PCDH15: variants seen among roughly 807,000 people sequenced by gnomAD.
PCDH15 encodes protocadherin related 15.
A neutral mutation model predicts 178.5 loss-of-function variants in PCDH15; 129 were observed. The observed-to-expected ratio is 0.72, with a 90% CI of 0.63 to 0.84. The LOEUF (loss-of-function observed/expected upper bound fraction) is 0.84, where lower values mean the gene tolerates loss of function less well. Among genes scored for constraint, PCDH15 ranks in the 40% least tolerant of loss-of-function variants. The probability of loss-of-function intolerance (pLI) is 0.00; values close to 1 mark genes in which losing one functional copy is unlikely to be tolerated. For missense variants in PCDH15, 2,230 were observed against 2,099.9 expected (o/e 1.06, Z -1.21); for synonymous variants, 800 against 732.0 (o/e 1.09, Z -1.50).
intron 1 of PCDH15, among the ~76,000 whole-genome samples, chr10:54,723,797 A>G (rs530402342): frequency 6.6e-6 from 1 of 151,846 alleles, no homozygotes; most frequent in South Asian, 2.1e-4. Flanking sequence ...ATTGCTAAAC[A>G]TCAGTAATCA....
At chr10:54,728,387 T>C (rs1030190263) in intron 1 of PCDH15, among the ~76,000 whole-genome samples, 1 of 151,366 alleles carries the variant, frequency 6.6e-6, no homozygotes, top group African/African-American at 2.4e-5. Flanking sequence ...AAATTCAGTG[T>C]CCCTTTATGG....
chr10:54,433,336 C>T lies in PCDH15; in HGVS notation c.158-54394G>A, dbSNP rs142250897. Among the ~76,000 whole-genome samples, 740 of 152,092 alleles carry T rather than the reference C, an allele frequency of 4.9e-3. 8 individuals are homozygous for T. The highest frequency in any genetic ancestry group is 0.017 in the African/African-American group (688 of 41,416). On this transcript the variant is annotated intron_variant, in intron 3 of 37. Coordinates refer to ENST00000644397, the MANE Select transcript of PCDH15 (RefSeq NM_001384140.1). ...CAAAGTGTCCATCAATAGGTAACTACATTTAAAAAATGTGGTTCTTATATA... is the reference window on the plus strand; with the variant it reads ...CAAAGTGTCCATCAATAGGTAACTATATTTAAAAAATGTGGTTCTTATATA...
intron 2 of PCDH15, among the ~76,000 whole-genome samples, chr10:54,574,935 T>C (rs1199228966): frequency 6.7e-6 from 1 of 148,856 alleles, no homozygotes; most frequent in African/African-American, 2.5e-5. Context: ...ATTAAGAAAC[T>C]GTGGCACATA....
At chr10:54,698,679 G>A (rs2095267122) in intron 1 of PCDH15, among the ~76,000 whole-genome samples, 1 of 152,058 alleles carries the variant, frequency 6.6e-6, no homozygotes, top group African/African-American at 2.4e-5. Context: ...CTTGTAAAAT[G>A]AAGATAATAA....
At chr10:54,162,530 C>T (rs2045821523) in intron 13 of PCDH15, among the ~76,000 whole-genome samples, 2 of 152,120 alleles carry the variant, frequency 1.3e-5, no homozygotes, top group Admixed American at 6.5e-5. Flanking sequence ...AGATAAGATA[C>T]CTTCATATTT....
At chr10:54,236,783 C>T in intron 9 of PCDH15, 40 bp downstream of exon 9, 1 of 1,468,200 alleles carries the variant, frequency 6.8e-7, no homozygotes, top group Non-Finnish European at 9.5e-7. Flanking sequence ...CTGTAAGATT[C>T]TAGAATAACT....
At chr10:55,483,805 G>A (rs1218508599) in intron 2 of PCDH15, among the ~76,000 whole-genome samples, 2 of 130,154 alleles carry the variant, frequency 1.5e-5, no homozygotes, top group Non-Finnish European at 3.2e-5. Context: ...GAAAGAGTGA[G>A]ACTCCATCTC....
At chr10:54,529,789 ATTTC>A (rs1413884603) in intron 2 of PCDH15, among the ~76,000 whole-genome samples, 9 of 152,022 alleles carry the variant, frequency 5.9e-5, no homozygotes, top group African/African-American at 1.4e-4. Flanking sequence ...TGATTTCAAC[ATTTC>A]TTTATTTATT....
intron 8 of PCDH15, among the ~76,000 whole-genome samples, chr10:54,274,027 C>A (rs769507263): frequency 3.1e-4 from 47 of 151,904 alleles, no homozygotes; most frequent in Admixed American, 2.0e-3. Flanking sequence ...TAGCAAACTA[C>A]CACAGGAAAA....
chr10:54,062,973 T>C (rs1226781664), intron 18 of PCDH15, among the ~76,000 whole-genome samples: 1 of 152,204 alleles, frequency 6.6e-6, no homozygotes, highest in Non-Finnish European at 1.5e-5. Context: ...AATATATATA[T>C]GGCTAAGTGA....
intron 2 of PCDH15, among the ~76,000 whole-genome samples, chr10:55,106,910 G>T (rs1003536062): frequency 3.9e-5 from 6 of 152,158 alleles, no homozygotes; most frequent in African/African-American, 1.4e-4. Context: ...ATAATACAAT[G>T]ATGGAGAGGA....
intron 2 of PCDH15, among the ~76,000 whole-genome samples, chr10:55,363,125 A>C (rs756108152): frequency 6.6e-6 from 1 of 152,202 alleles, no homozygotes; most frequent in Non-Finnish European, 1.5e-5. Context: ...CATTTGAGAT[A>C]GACTTCGTTT....
intron 9 of PCDH15, among the ~76,000 whole-genome samples, chr10:54,216,037 C>T (rs567683733): frequency 4.1e-5 from 3 of 73,376 alleles, no homozygotes; most frequent in Non-Finnish European, 6.9e-5. Context: ...AGTGAGACTC[C>T]GTCTCAGAAA....
chr10:54,624,471 T>C (rs1282728973), intron 2 of PCDH15, among the ~76,000 whole-genome samples: 1 of 152,222 alleles, frequency 6.6e-6, no homozygotes, highest in African/African-American at 2.4e-5. Context: ...CAGATCTTAG[T>C]AAGATACTGC....
At chr10:54,088,878 C>T (rs1033739955) in intron 16 of PCDH15, among the ~76,000 whole-genome samples, 6 of 152,094 alleles carry the variant, frequency 3.9e-5, no homozygotes, top group Non-Finnish European at 8.8e-5. Flanking sequence ...TAAGTCTGTC[C>T]AGGTGCTTAT....
chr10:54,690,996 T>C (rs865893405), intron 1 of PCDH15, among the ~76,000 whole-genome samples: 5 of 152,128 alleles, frequency 3.3e-5, no homozygotes, highest in African/African-American at 9.7e-5. Context: ...AAACTTCTTA[T>C]ATGGTATGGT....
At chr10:54,656,969 C>T (rs1425882691) in intron 2 of PCDH15, among the ~76,000 whole-genome samples, 1 of 152,166 alleles carries the variant, frequency 6.6e-6, no homozygotes, top group Non-Finnish European at 1.5e-5. Context: ...ACAGCTACAC[C>T]TCCATTCAAA....
chr10:55,113,592 CTT>C lies in PCDH15; in HGVS notation c.-80+52982_-80+52983del, dbSNP rs1467197938. The stretch of plus-strand genomic sequence containing the variant: ...TAGCCTTGAAATAAACTTTGAAACT[CTT>C]TGTTTTCCTCCACTTCCACTGGAGA... On this transcript the variant is annotated intron_variant, in intron 2 of 5. Transcript: ENST00000458638. Among the ~76,000 whole-genome samples the C allele has an allele frequency of 4.6e-5, 7 of 152,262 alleles. No homozygotes were observed. In the East Asian group the frequency reaches 1.4e-3, roughly 29 times the overall value.
At chr10:54,538,091 T>C (rs983987031) in intron 2 of PCDH15, among the ~76,000 whole-genome samples, 1 of 152,224 alleles carries the variant, frequency 6.6e-6, no homozygotes, top group Non-Finnish European at 1.5e-5. Context: ...AATAGTCTTT[T>C]CTGTCGGGCA....
Sources: gnomAD v4.1 joint callset for allele counts (sites outside exome capture counted in the v4.1 genomes callset) on GRCh38, gnomAD v4.1.1 for gene constraint, MANE v1.5 for transcripts, NCBI Gene and HGNC (gene_info 2026-07-23, HGNC 2026-07-21) for gene names.